The following SBNO1 variants were observed in gnomAD, a reference collection of about 807,000 sequenced individuals.
SBNO1 encodes the protein protein strawberry notch homolog 1.
Under a neutral mutation model 173.6 loss-of-function variants are expected in SBNO1, and 23 were observed. The observed-to-expected ratio is 0.13, with a 90% CI of 0.10 to 0.19. SBNO1 has a LOEUF of 0.19. Among genes scored for constraint, SBNO1 ranks in the 10% least tolerant of loss-of-function variants. The pLI is 1.00. For synonymous variants in SBNO1, 632 were observed against 571.5 expected (o/e 1.11, Z -1.51); for missense variants, 1,238 against 1,671.2 (o/e 0.74, Z 4.52).
At chr12:123,304,433 TC>T (rs1289045327) in intron 29 of SBNO1, 148 bp downstream of exon 29, 4 of 567,976 alleles carry the variant, frequency 7.0e-6, no homozygotes, top group African/African-American at 2.0e-5. Flanking sequence ...ACGGGGTTTC[TC>T]CATGTTGGTC....
chr12:123,324,802 A>G (rs1475358137), intron 15 of SBNO1, among the ~76,000 whole-genome samples: 1 of 151,522 alleles, frequency 6.6e-6, no homozygotes, highest in Non-Finnish European at 1.5e-5. Context: ...AGTAGACTTT[A>G]TTTTATTTTA....
At chr12:123,344,727 T>C (rs1009950572) in intron 4 of SBNO1, among the ~76,000 whole-genome samples, 5 of 152,158 alleles carry the variant, frequency 3.3e-5, no homozygotes, top group Admixed American at 2.6e-4. Flanking sequence ...CAAGCACCTC[T>C]AATTCCAGCT....
In SBNO1 at chr12:123,323,724, G is replaced by C; in HGVS notation, c.2081C>G (p.Pro694Arg). Reference sequence around the variant, plus strand: ...ATTTTCTTTACAAGGACTATCTCTTGGCGAACTGTTGTTACTTGGAGCTGT... The same window carrying C: ...ATTTTCTTTACAAGGACTATCTCTTCGCGAACTGTTGTTACTTGGAGCTGT... ...DLTAPSNNSS[P>R]RDSPCKENKI... The change falls in exon 16 of 32, where the codon CCA (proline) becomes CGA (arginine). Residue 694 changes from proline (P) to arginine (R), a missense_variant. Physicochemically the swap from Pro to Arg is moderately radical, Grantham distance 103. This residue lies in a region of SBNO1 where 81 missense variants were observed against 82.6 expected (regional missense o/e 0.98). Transcript: ENST00000602398. 1 of 1,611,868 alleles carries C rather than the reference G, an allele frequency of 6.2e-7. No homozygotes were observed. The highest frequency in any genetic ancestry group is 8.5e-7 in the Non-Finnish European group (1 of 1,179,290).
rs112647883 is a variant in SBNO1, at chr12:123,342,211, T to C, written c.551-1123A>G. Among the ~76,000 whole-genome samples the C allele has an allele frequency of 4.8e-3, 725 of 151,644 alleles. 7 individuals are homozygous for C. Among genetic ancestry groups the C allele is most frequent in the African/African-American group, 0.014 (560 of 41,324 alleles). On this transcript the variant is annotated intron_variant, in intron 4 of 31. Coordinates refer to ENST00000602398, the MANE Select transcript of SBNO1 (RefSeq NM_001167856.3). ...GCTGCAGTGAGCTGAGATTGCATCATTGAACTCCAGCCTGGGCAACAAGAG... is the reference window on the plus strand; with the variant it reads ...GCTGCAGTGAGCTGAGATTGCATCACTGAACTCCAGCCTGGGCAACAAGAG...
At chr12:123,320,340 T>C (rs2138964312) in intron 19 of SBNO1, 92 bp downstream of exon 19, 2 of 1,201,090 alleles carry the variant, frequency 1.7e-6, no homozygotes, top group South Asian at 1.5e-5. Flanking sequence ...ATCTAAGAAA[T>C]TTAGATTATT....
intron 31 of SBNO1, 90 bp downstream of exon 31, chr12:123,297,888 A>T: frequency 8.7e-7 from 1 of 1,151,322 alleles, no homozygotes; most frequent in South Asian, 1.4e-5. Context: ...TGTTAGATGC[A>T]TGTGGAATAA....
At chr12:123,326,956 T>C (rs1372153994) in intron 13 of SBNO1, among the ~76,000 whole-genome samples, 2 of 152,046 alleles carry the variant, frequency 1.3e-5, no homozygotes, top group African/African-American at 2.4e-5. Context: ...AAAAAACACA[T>C]TGGTTAAACA....
At chr12:123,319,835 C>A in intron 20 of SBNO1, 65 bp downstream of exon 20, 1 of 1,458,136 alleles carries the variant, frequency 6.9e-7, no homozygotes. Flanking sequence ...AAAGACTCTT[C>A]TAAAGCTTAA....
At chr12:123,300,312 T>C (rs1419996305) in intron 30 of SBNO1, among the ~76,000 whole-genome samples, 3 of 152,268 alleles carry the variant, frequency 2.0e-5, no homozygotes, top group Non-Finnish European at 4.4e-5. Flanking sequence ...CCTCTCATCT[T>C]GATCTCCCAA....
In SBNO1 at chr12:123,333,995, ACT is replaced by A. The variant is rs1871538798; in HGVS notation, c.909+56_909+57del. 7 of 1,132,218 alleles carry A rather than the reference ACT, an allele frequency of 6.2e-6. No homozygotes were observed. In the South Asian group the frequency reaches 9.9e-5, roughly 16 times the overall value. The allele number at this position is 1,132,218 out of a possible 1,614,324, so 70.1% of individuals were successfully genotyped here. A position where few individuals can be genotyped will look rare whatever the true frequency, so the allele number is the denominator to read the frequency against. ...GAAAAGTTACCTTTAGATTGAAACA[ACT>A]CTGTTATATAGAATAGGATAAAATA... On this transcript the variant is annotated intron_variant, in intron 7 of 31. Coordinates refer to ENST00000602398, the MANE Select transcript of SBNO1 (RefSeq NM_001167856.3).
At chr12:123,328,926 T>C (rs779463203) in intron 9 of SBNO1, 31 bp from the exon 10 acceptor site, 2 of 1,301,756 alleles carry the variant, frequency 1.5e-6, no homozygotes, top group Non-Finnish European at 1.1e-6. Flanking sequence ...ATTTAGTTAA[T>C]TAGTATACCT....
intron 2 of SBNO1, among the ~76,000 whole-genome samples, chr12:123,349,847 A>C (rs1873671188): frequency 6.6e-6 from 1 of 152,080 alleles, no homozygotes; most frequent in Admixed American, 6.6e-5. Flanking sequence ...CAGGAGGCAG[A>C]GGTTGCAGTG....
intron 7 of SBNO1, among the ~76,000 whole-genome samples, chr12:123,333,474 G>A (rs574593810): frequency 1.3e-5 from 2 of 151,878 alleles, no homozygotes; most frequent in South Asian, 4.2e-4. Context: ...CCTAGGAATG[G>A]GTATATATAC....
At chr12:123,343,035 A>T (rs1265187645) in intron 4 of SBNO1, among the ~76,000 whole-genome samples, 2 of 152,146 alleles carry the variant, frequency 1.3e-5, no homozygotes, top group African/African-American at 2.4e-5. Context: ...TGAGGTCAGG[A>T]GTTCAAGATC....
chr12:123,326,007 T>G, intron 14 of SBNO1, 145 bp downstream of exon 14: 1 of 554,006 alleles, frequency 1.8e-6, no homozygotes, highest in Non-Finnish European at 3.1e-6. Context: ...AAGCAGGCAT[T>G]GCTTTTATAA....
At chr12:123,361,957 G>T (rs1168473238) in intron 1 of SBNO1, among the ~76,000 whole-genome samples, 1 of 150,292 alleles carries the variant, frequency 6.7e-6, no homozygotes, top group African/African-American at 2.5e-5. Context: ...TGGCCAATAT[G>T]GTGAAACCCC....
intron 5 of SBNO1, among the ~76,000 whole-genome samples, chr12:123,337,962 T>C (rs1872051953): frequency 6.6e-6 from 1 of 152,164 alleles, no homozygotes; most frequent in Admixed American, 6.5e-5. Context: ...GAAGGACCAC[T>C]ATATCCAGGG....
At position 123,334,126 on chromosome 12, in the gene SBNO1, G is replaced by C; in HGVS notation, c.836C>G (p.Ser279Cys). ...VTPPDVWYKT[S>C]ISEETIDNGW... ...ATTATCAATGGTTTCCTCAGAAATG[G>C]ATGTTTTGTACCAAACATCAGGAGG... Residue 279 changes from serine to cysteine, a missense_variant, in exon 7 of 32, where the codon TCC (serine) becomes TGC (cysteine). Coordinates refer to ENST00000602398, the MANE Select transcript of SBNO1 (RefSeq NM_001167856.3). The C allele has an allele frequency of 6.2e-7, 1 of 1,606,948 alleles. No individual in the cohort carries two copies. Among genetic ancestry groups the C allele is most frequent in the Non-Finnish European group, 8.5e-7 (1 of 1,177,032 alleles).
chr12:123,315,892 G>T (rs755841905), intron 21 of SBNO1, among the ~76,000 whole-genome samples: 4 of 152,110 alleles, frequency 2.6e-5, no homozygotes, highest in African/African-American at 9.7e-5. Context: ...CAATTACTCT[G>T]GATTTTCCCA....
Sources: gnomAD v4.1 joint callset for allele counts (sites outside exome capture counted in the v4.1 genomes callset) on GRCh38, gnomAD v4.1.1 for gene constraint, gnomAD v4.1.1 regional missense constraint, MANE v1.5 for transcripts, NCBI Gene and HGNC (gene_info 2026-07-23, HGNC 2026-07-21) for gene names.